SS18L1: variants seen among roughly 807,000 people sequenced by gnomAD.
SS18L1 encodes the protein calcium-responsive transactivator.
A neutral mutation model predicts 70.3 loss-of-function variants in SS18L1; 32 were observed. The observed-to-expected ratio is 0.46, with a 90% confidence interval of 0.34 to 0.61. SS18L1 has a LOEUF of 0.61. SS18L1 is among the 20% of genes least tolerant of loss of function. SS18L1 has a pLI of 0.01. For synonymous variants in SS18L1, 237 were observed against 229.7 expected (o/e 1.03, Z -0.29); for missense variants, 430 against 542.1 (o/e 0.79, Z 2.05).
chr20:62,164,110 G>A lies in SS18L1; in HGVS notation c.722-35G>A, dbSNP rs892524886. The A allele has an allele frequency of 2.5e-5, 39 of 1,537,898 alleles. No individual in the cohort carries two copies. The African/African-American group carries it at 3.2e-4, about 12-fold the overall frequency. On this transcript the variant is annotated intron_variant, in intron 6 of 10. Transcript: ENST00000331758. Reference sequence around the variant, plus strand: ...CAGGTCCTCTGAGGGAGGAGGGCGCGGCCCGCACTGGCGCTGAATGTGGTT... The same window carrying A: ...CAGGTCCTCTGAGGGAGGAGGGCGCAGCCCGCACTGGCGCTGAATGTGGTT...
rs965785668 is a variant in SS18L1, at chr20:62,148,669, A to C, written c.69+4780A>C. 3.3e-5 allele frequency among the ~76,000 whole-genome samples: 5 copies of C among 152,346 alleles called. No individual in the cohort carries two copies. The South Asian group carries it at 1.0e-3, about 32-fold the overall frequency. ...AGGGAGGCGCTCTGCAAGGCCCTTG[A>C]ACCCAAGCGCCACGGGGGAGGTGGG... On this transcript the variant is annotated intron_variant, in intron 1 of 10. Coordinates refer to ENST00000331758, the MANE Select transcript of SS18L1 (RefSeq NM_198935.3).
intron 7 of SS18L1, among the ~76,000 whole-genome samples, chr20:62,165,180 C>G (rs1331306254): frequency 2.0e-5 from 3 of 152,216 alleles, no homozygotes; most frequent in Non-Finnish European, 2.9e-5. Flanking sequence ...AAGCGCTGAT[C>G]CTCTGCATAA....
intron 10 of SS18L1, among the ~76,000 whole-genome samples, chr20:62,176,569 C>T (rs1181077575): frequency 6.6e-6 from 1 of 151,978 alleles, no homozygotes; most frequent in Non-Finnish European, 1.5e-5. Context: ...AATTCCAGCA[C>T]TTTGGGAGGC....
At chr20:62,160,257 G>A (rs907181501) in intron 3 of SS18L1, among the ~76,000 whole-genome samples, 4 of 112,096 alleles carry the variant, frequency 3.6e-5, no homozygotes, top group South Asian at 5.9e-4. Flanking sequence ...CTCTCGGGTC[G>A]GGGGTGGGGA....
At chr20:62,177,824 C>G (rs962150819) in intron 10 of SS18L1, among the ~76,000 whole-genome samples, 64 of 150,574 alleles carry the variant, frequency 4.3e-4, no homozygotes, top group African/African-American at 1.4e-3. Flanking sequence ...CGGGTTCTAG[C>G]AATTCTCCTG....
intron 10 of SS18L1, among the ~76,000 whole-genome samples, chr20:62,176,680 G>A (rs539768194): frequency 6.6e-6 from 1 of 152,134 alleles, no homozygotes; most frequent in East Asian, 1.9e-4. Context: ...CCGGGTGCCT[G>A]TAAGCCCAGC....
Position 62,152,328 on chromosome 20 carries a change from G to C in SS18L1, c.70-6344G>C, listed in dbSNP as rs538527495. 2.6e-5 allele frequency among the ~76,000 whole-genome samples: 4 copies of C among 152,342 alleles called. No homozygotes were observed. The South Asian group carries it at 8.3e-4, about 32-fold the overall frequency. On this transcript the variant is annotated intron_variant, in intron 1 of 10. Transcript: ENST00000331758. ...GGCACATTGATGAAGCATGCTCAGA[G>C]ATGGGATCTCACCACCCCTCCTTGC...
rs757226730 is a variant in SS18L1, at chr20:62,143,886, G to A, written c.66G>A (p.Gln22=). Residue 22 remains glutamine (Q), a synonymous_variant, in exon 1 of 11, where the codon CAG becomes CAA. Transcript: ENST00000331758. ...GKGEVTQQTI[Q]KMLDENHHLI... is the part of the protein sequence containing the mutation. ...GGGAGGTTACGCAGCAAACCATCCAGAAGGTGGGCCGGGCCGGAGCGGCGG... is the reference window on the plus strand; with the variant it reads ...GGGAGGTTACGCAGCAAACCATCCAAAAGGTGGGCCGGGCCGGAGCGGCGG... The A allele has an allele frequency of 1.5e-5, 18 of 1,226,690 alleles. No homozygotes were observed. Among genetic ancestry groups the A allele is most frequent in the Admixed American group, 2.5e-5 (1 of 39,860 alleles). 76.0% of individuals were successfully genotyped at this position (1,226,690 alleles called of 1,614,324 possible).
rs376841023 is a variant in SS18L1, at chr20:62,159,981, T to C, written c.231+20T>C. ...CCTGCCGTGAGTACCCACGGGGGGT[T>C]GGCCTCCTTTACCCAGCAAGGACTC... On this transcript the variant is annotated intron_variant, in intron 3 of 10. Coordinates refer to ENST00000331758, the MANE Select transcript of SS18L1 (RefSeq NM_198935.3). The surrounding 1 kb of genome is among the most constrained non-coding windows in gnomAD (Gnocchi z 4.4). 6.2e-7 allele frequency: 1 copy of C among 1,604,608 alleles called. No homozygotes were observed. The highest frequency in any genetic ancestry group is 1.3e-5 in the African/African-American group (1 of 74,594).
chr20:62,169,043 C>T (rs2057482996), intron 8 of SS18L1, among the ~76,000 whole-genome samples: 1 of 152,052 alleles, frequency 6.6e-6, no homozygotes, highest in South Asian at 2.1e-4. Flanking sequence ...TGGGCAGGAG[C>T]ATCGGGATGT....
intron 7 of SS18L1, 53 bp downstream of exon 7, chr20:62,164,299 G>T: frequency 1.1e-6 from 1 of 901,332 alleles, no homozygotes; most frequent in East Asian, 4.1e-5. Flanking sequence ...CAGCTGCAGG[G>T]GCAAGGAGGG....
At chr20:62,164,098 G>A in intron 6 of SS18L1, 47 bp from the exon 7 acceptor site, 1 of 1,514,938 alleles carries the variant, frequency 6.6e-7, no homozygotes, top group African/African-American at 1.4e-5. Context: ...GTCCTCTGAG[G>A]GAGGAGGGCG....
intron 10 of SS18L1, among the ~76,000 whole-genome samples, chr20:62,175,618 ACT>A (rs2057607410): frequency 1.3e-5 from 2 of 152,120 alleles, no homozygotes; most frequent in Admixed American, 6.5e-5. Context: ...TGTGTTGGTG[ACT>A]CTGAGGTGGC....
intron 8 of SS18L1, among the ~76,000 whole-genome samples, chr20:62,170,570 C>G (rs564943689): frequency 6.6e-6 from 1 of 152,236 alleles, no homozygotes; most frequent in East Asian, 1.9e-4. Context: ...ATCTGCCCGC[C>G]CCGTTGCTGT....
intron 1 of SS18L1, among the ~76,000 whole-genome samples, chr20:62,145,371 C>T (rs751922062): frequency 6.6e-6 from 1 of 152,128 alleles, no homozygotes; most frequent in Non-Finnish European, 1.5e-5. Flanking sequence ...CGATCCCATA[C>T]GGTGGCTCCA....
At chr20:62,144,978 C>T (rs1334050070) in intron 1 of SS18L1, among the ~76,000 whole-genome samples, 1 of 152,250 alleles carries the variant, frequency 6.6e-6, no homozygotes, top group African/African-American at 2.4e-5. Flanking sequence ...TGATGACGTG[C>T]CAGTCTCCTG....
At chr20:62,154,938 C>T (rs551650900) in intron 1 of SS18L1, among the ~76,000 whole-genome samples, 20 of 152,274 alleles carry the variant, frequency 1.3e-4, no homozygotes, top group Admixed American at 6.5e-4. Flanking sequence ...CTTCATATCC[C>T]GCCCCTCTGT....
chr20:62,154,836 C>T (rs546366807), intron 1 of SS18L1, among the ~76,000 whole-genome samples: 10 of 152,238 alleles, frequency 6.6e-5, no homozygotes, highest in African/African-American at 2.4e-4. Context: ...CTCTGGGGCT[C>T]CTGGAGGGCC....
At chr20:62,173,364 A>AT (rs1330095434) in intron 9 of SS18L1, among the ~76,000 whole-genome samples, 2 of 152,254 alleles carry the variant, frequency 1.3e-5, no homozygotes, top group African/African-American at 2.4e-5. Context: ...CACGTGCCTG[A>AT]TTCTGCTGTG....
Sources: gnomAD v4.1 joint callset for allele counts (sites outside exome capture counted in the v4.1 genomes callset) on GRCh38, gnomAD v4.1.1 for gene constraint, Gnocchi (gnomAD v3.1) non-coding constraint, MANE v1.5 for transcripts, NCBI Gene and HGNC (gene_info 2026-07-23, HGNC 2026-07-21) for gene names.